ADCY8: variants seen among roughly 807,000 people sequenced by gnomAD.
The protein encoded by ADCY8 is adenylate cyclase 8.
A neutral mutation model predicts 119.7 loss-of-function variants in ADCY8; 51 were observed. The ratio of observed to expected loss-of-function variants is 0.43; its 90% CI spans 0.34 to 0.54. The LOEUF (loss-of-function observed/expected upper bound fraction) is 0.54. Among genes scored for constraint, ADCY8 ranks in the 20% least tolerant of loss-of-function variants. ADCY8 has a pLI of 0.03. For missense variants in ADCY8, 1,383 were observed against 1,598.8 expected (o/e 0.87, Z 2.30); for synonymous variants, 665 against 651.0 (o/e 1.02, Z -0.33).
chr8:130,842,560 T>C (rs574781202), intron 11 of ADCY8, among the ~76,000 whole-genome samples: 104 of 152,274 alleles, frequency 6.8e-4, no homozygotes, highest in Non-Finnish European at 1.1e-3. Context: ...TATTTGTCTA[T>C]CATGAATACA....
rs930762064 is a variant in ADCY8 at position 130,974,512 on chromosome 8, T to A, written c.1110+15881A>T. 5.3e-5 allele frequency among the ~76,000 whole-genome samples: 8 copies of A among 152,110 alleles called. No homozygotes were observed. The East Asian group carries it at 1.5e-3, about 29-fold the overall frequency. ...CAGGCAAAAATGAAATAGAAGAAAATAGAAAATATCAGACTGTAATAACTA... is the reference window on the plus strand; with the variant it reads ...CAGGCAAAAATGAAATAGAAGAAAAAAGAAAATATCAGACTGTAATAACTA... On this transcript the variant is annotated intron_variant, in intron 2 of 17. Transcript: ENST00000286355.
intron 12 of ADCY8, among the ~76,000 whole-genome samples, chr8:130,831,856 T>C (rs1816844627): frequency 6.6e-6 from 1 of 152,190 alleles, no homozygotes; most frequent in South Asian, 2.1e-4. Context: ...TGGCAGCATT[T>C]GTGATATGGA....
At chr8:130,949,034 C>A (rs936670686) in intron 3 of ADCY8, among the ~76,000 whole-genome samples, 1 of 152,040 alleles carries the variant, frequency 6.6e-6, no homozygotes, top group African/African-American at 2.4e-5. Context: ...CCCCTAGTAA[C>A]GGCTCTGAAA....
chr8:130,846,742 T>G, intron 11 of ADCY8, among the ~76,000 whole-genome samples: 1 of 117,772 alleles, frequency 8.5e-6, no homozygotes. Context: ...TTCCTTCCCC[T>G]TCCTACCTTC....
intron 2 of ADCY8, among the ~76,000 whole-genome samples, chr8:130,980,283 TA>T (rs1196466740): frequency 6.6e-6 from 1 of 152,162 alleles, no homozygotes; most frequent in Non-Finnish European, 1.5e-5. Context: ...TATTTCCAAG[TA>T]AGATCACATT....
chr8:130,984,944 G>A (rs1160798494), intron 2 of ADCY8, among the ~76,000 whole-genome samples: 1 of 152,158 alleles, frequency 6.6e-6, no homozygotes, highest in Non-Finnish European at 1.5e-5. Context: ...AGTGAAGGTT[G>A]AAGCCATGAT....
chr8:130,780,650 T>C lies in ADCY8; in HGVS notation c.3496A>G (p.Lys1166Glu). The C allele has an allele frequency of 6.2e-7, 1 of 1,614,240 alleles. No homozygotes were observed. Among genetic ancestry groups the C allele is most frequent in the Non-Finnish European group, 8.5e-7 (1 of 1,180,034 alleles). Residue 1166 changes from lysine (K) to glutamate (E), a missense_variant, in exon 18 of 18, where the codon AAA (lysine) becomes GAA (glutamate). Physicochemically the swap from Lys to Glu is moderately conservative, Grantham distance 56. Transcript: ENST00000286355. ...KGISEQEGKI[K>E]TYFLLGRVQP... is the part of the protein sequence containing the mutation. ...ACTCTTCCCAGAAGAAAGTACGTTT[T>C]GATTTTTCCTTCCTGTTCACTGATA...
rs985626167 is a variant in ADCY8 at position 130,937,072 on chromosome 8, C to G, written c.1481+1G>C. On this transcript the variant is annotated splice_donor_variant, in intron 5 of 17. Coordinates refer to ENST00000286355, the MANE Select transcript of ADCY8 (RefSeq NM_001115.3). LOFTEE classifies it high-confidence loss of function. ...GTAACATGATGGGGATCACAAATTA[C>G]CTGATGGTTTTGATCATGCTGAGAC... 6.2e-7 allele frequency: 1 copy of G among 1,609,720 alleles called. No homozygotes were observed. The highest frequency in any genetic ancestry group is 8.5e-7 in the Non-Finnish European group (1 of 1,177,618).
rs796539069 is a variant in ADCY8 at position 130,869,936 on chromosome 8, C to T, written c.2110-1990G>A. On this transcript the variant is annotated intron_variant, in intron 8 of 17. Transcript: ENST00000286355. ...TACACTAAAATTCCTCCTCCTCCTC[C>T]TCCTCTTCTTCTTCTTCTTCTTCTT... Among the ~76,000 whole-genome samples, 40 of 137,452 alleles carry T rather than the reference C, an allele frequency of 2.9e-4. No homozygotes were observed. In the East Asian group the frequency reaches 6.6e-3, roughly 23 times the overall value. The allele number at this position is 137,452 out of a possible 152,430, so 90.2% of individuals were successfully genotyped here. A position where few individuals can be genotyped will look rare whatever the true frequency, so the allele number is the denominator to read the frequency against.
intron 12 of ADCY8, among the ~76,000 whole-genome samples, chr8:130,824,383 AT>A (rs1444771349): frequency 6.6e-6 from 1 of 152,208 alleles, no homozygotes; most frequent in Non-Finnish European, 1.5e-5. Context: ...TTGTTAAAAA[AT>A]TTAACTTAAT....
chr8:131,013,505 T>C (rs900854878), intron 1 of ADCY8, among the ~76,000 whole-genome samples: 10 of 152,048 alleles, frequency 6.6e-5, no homozygotes, highest in Non-Finnish European at 2.9e-5. Flanking sequence ...TACCAGTGTA[T>C]CTCTGCCACA....
intron 1 of ADCY8, among the ~76,000 whole-genome samples, chr8:130,997,786 G>C (rs544780749): frequency 6.6e-6 from 1 of 152,210 alleles, no homozygotes; most frequent in South Asian, 2.1e-4. Context: ...TTCCATGAAG[G>C]GTTAAATGCA....
At position 131,024,012 on chromosome 8, in the gene ADCY8, GTGATTGCTAA is replaced by G. The variant is rs576586885; in HGVS notation, c.960+15352_960+15361del. On this transcript the variant is annotated intron_variant, in intron 1 of 17. Coordinates refer to ENST00000286355, the MANE Select transcript of ADCY8 (RefSeq NM_001115.3). Reference sequence around the variant, plus strand: ...AGTGTTCTAGATACAGGGCAAAGAGGTGATTGCTAATGATTGCTATTTTTGTCCATGAGTG... The same window carrying G: ...AGTGTTCTAGATACAGGGCAAAGAGGTGATTGCTATTTTTGTCCATGAGTG... 5.7e-4 allele frequency among the ~76,000 whole-genome samples: 87 copies of G among 152,310 alleles called. 1 individual carries two copies. The highest frequency in any genetic ancestry group is 1.0e-3 in the South Asian group (5 of 4,834).
rs74510294 is a variant in ADCY8, at chr8:130,984,930, C to T, written c.1110+5463G>A. Among the ~76,000 whole-genome samples the T allele has an allele frequency of 8.5e-3, 1,294 of 152,012 alleles. 19 individuals carry two copies. The highest frequency in any genetic ancestry group is 0.03 in the African/African-American group (1,225 of 41,452). ...TAGAGATGCTGATGTGGGAACAATC[C>T]GGAAGTGAAGGTTGAAGCCATGATA... On this transcript the variant is annotated intron_variant, in intron 2 of 17. Coordinates refer to ENST00000286355, the MANE Select transcript of ADCY8 (RefSeq NM_001115.3).
At chr8:130,902,402 T>G (rs7461459) in intron 7 of ADCY8, among the ~76,000 whole-genome samples, 79,165 of 151,512 alleles carry the variant, frequency 0.52, 21,464 homozygotes, top group East Asian at 0.68. Flanking sequence ...GTTATGACTT[T>G]TGTGTGCATA....
intron 1 of ADCY8, among the ~76,000 whole-genome samples, chr8:131,006,345 G>A (rs553445936): frequency 6.6e-6 from 1 of 152,262 alleles, no homozygotes; most frequent in African/African-American, 2.4e-5. Flanking sequence ...TGTAGGAGCC[G>A]CTGGGAGATT....
At chr8:130,830,569 A>C (rs969460983) in intron 12 of ADCY8, among the ~76,000 whole-genome samples, 6 of 152,118 alleles carry the variant, frequency 3.9e-5, no homozygotes, top group Non-Finnish European at 8.8e-5. Context: ...TTTGCCTATT[A>C]AATCTCCACT....
At chr8:130,868,891 A>G (rs536644432) in intron 8 of ADCY8, among the ~76,000 whole-genome samples, 1 of 152,348 alleles carries the variant, frequency 6.6e-6, no homozygotes, top group Non-Finnish European at 1.5e-5. Flanking sequence ...AGGTCTCACA[A>G]CATCTTAGGC....
intron 1 of ADCY8, among the ~76,000 whole-genome samples, chr8:131,011,936 C>T (rs550078435): frequency 8.1e-4 from 123 of 152,108 alleles, no homozygotes; most frequent in Non-Finnish European, 1.5e-3. Flanking sequence ...AATCAAAGGC[C>T]TCTAAATGGT....
Sources: allele counts gnomAD v4.1 joint callset (sites outside exome capture counted in the v4.1 genomes callset), GRCh38; gene constraint gnomAD v4.1.1; transcripts MANE v1.5; gene names NCBI Gene and HGNC (gene_info 2026-07-23, HGNC 2026-07-21).